XPO7: variants seen among roughly 807,000 people sequenced by gnomAD.
XPO7 encodes the protein exportin 7.
Under a neutral mutation model 144.3 loss-of-function variants are expected in XPO7, and 21 were observed. That is an observed-to-expected ratio of 0.15 (90% CI 0.10 to 0.21). The LOEUF (loss-of-function observed/expected upper bound fraction) is 0.21, where lower values mean the gene tolerates loss of function less well. Among genes scored for constraint, XPO7 ranks in the 10% least tolerant of loss-of-function variants. XPO7 has a pLI of 1.00. For synonymous variants in XPO7, 580 were observed against 499.6 expected, an observed-to-expected ratio of 1.16 and a Z score of -2.15; for missense variants, 808 against 1,325.8, an observed-to-expected ratio of 0.61 and a Z score of 6.06.
intron 7 of XPO7, among the ~76,000 whole-genome samples, chr8:21,976,780 A>T (rs1812237768): frequency 6.6e-6 from 1 of 152,148 alleles, no homozygotes; most frequent in Admixed American, 6.5e-5. Context: ...CAGCCTCCCA[A>T]GTATCTGGAA....
chr8:21,946,759 G>T (rs1292564810), intron 1 of XPO7, among the ~76,000 whole-genome samples: 1 of 150,838 alleles, frequency 6.6e-6, no homozygotes, highest in Non-Finnish European at 1.5e-5. Flanking sequence ...TCTAAAACAG[G>T]ATAAATTTTA....
intron 1 of XPO7, among the ~76,000 whole-genome samples, chr8:21,932,938 A>G (rs1043843466): frequency 6.6e-6 from 1 of 152,148 alleles, no homozygotes; most frequent in Non-Finnish European, 1.5e-5. Flanking sequence ...TTTAATATTC[A>G]CATTGACCTT....
Position 21,919,728 on chromosome 8 carries a change from CT to C in XPO7, c.-42del. ...GCAGCGGCTCCGGCCGAGGTGCGCGCTGGGGGGGAGGGGGGGCCGGAGAGGA... is the reference window on the plus strand; with the variant it reads ...GCAGCGGCTCCGGCCGAGGTGCGCGCGGGGGGGAGGGGGGGCCGGAGAGGA... On this transcript the variant is annotated 5_prime_UTR_variant, in exon 1 of 28. Transcript: ENST00000252512. The C allele has an allele frequency of 3.5e-6, 1 of 281,972 alleles. No individual in the cohort carries two copies. The highest frequency in any genetic ancestry group is 2.3e-5 in the African/African-American group (1 of 43,420). 17.5% of individuals were successfully genotyped at this position (281,972 alleles called of 1,614,324 possible). A position where few individuals can be genotyped will look rare whatever the true frequency, so the allele number is the denominator to read the frequency against.
rs1456460342 is a variant in XPO7 at position 21,969,489 on chromosome 8, T to C, written c.172T>C (p.Tyr58His). ...QLLLERGSSS[Y>H]SQLLAATCLT... ...TTTCCCTCTCTTTTCACAGTCCTCT[T>C]ACTCCCAGTTACTGGCAGCTACATG... Residue 58 changes from tyrosine to histidine, a missense_variant, in exon 3 of 28, where the codon TAC becomes CAC. Tyr to His is a moderately conservative substitution (Grantham distance 83). Around this residue, in one of 5 missense-constraint regions of XPO7, gnomAD observed 223 missense variants for 368.8 expected, o/e 0.60. Coordinates refer to ENST00000252512, the MANE Select transcript of XPO7 (RefSeq NM_015024.5). 6.2e-7 allele frequency: 1 copy of C among 1,613,422 alleles called. No homozygotes were observed. Among genetic ancestry groups the C allele is most frequent in the African/African-American group, 1.3e-5 (1 of 74,920 alleles).
chr8:21,933,707 A>G (rs931631970), intron 1 of XPO7, among the ~76,000 whole-genome samples: 1 of 152,340 alleles, frequency 6.6e-6, no homozygotes, highest in African/African-American at 2.4e-5. Flanking sequence ...TTGTTTGCCC[A>G]TAGCTGAATA....
At chr8:21,995,198 C>T (rs567262589) in intron 20 of XPO7, among the ~76,000 whole-genome samples, 24 of 152,186 alleles carry the variant, frequency 1.6e-4, no homozygotes, top group African/African-American at 5.1e-4. Flanking sequence ...GAGCTGATCC[C>T]ATATAATACC....
intron 26 of XPO7, 30 bp downstream of exon 26, chr8:22,003,347 C>T (rs746437007): frequency 6.4e-6 from 10 of 1,567,276 alleles, no homozygotes; most frequent in Non-Finnish European, 7.0e-6. Context: ...GGTGCCAACC[C>T]AGAAGCAGTG....
intron 1 of XPO7, among the ~76,000 whole-genome samples, chr8:21,942,515 T>C (rs1811026516): frequency 1.3e-5 from 2 of 152,254 alleles, no homozygotes; most frequent in South Asian, 2.1e-4. Flanking sequence ...ATTCTCATAG[T>C]TACTTCTGCA....
intron 10 of XPO7, among the ~76,000 whole-genome samples, chr8:21,982,263 A>T (rs998591006): frequency 6.6e-6 from 1 of 152,062 alleles, no homozygotes; most frequent in Admixed American, 6.5e-5. Context: ...CATCTAGGGG[A>T]CTGATGAAAA....
intron 1 of XPO7, among the ~76,000 whole-genome samples, chr8:21,957,909 C>T (rs1292209094): frequency 2.6e-5 from 4 of 151,868 alleles, no homozygotes; most frequent in African/African-American, 9.7e-5. Flanking sequence ...ATGTTTCTTG[C>T]AGTTTTGTGC....
rs1810873378 is a variant in XPO7 at position 21,937,955 on chromosome 8, A to G, written c.18+18167A>G. On this transcript the variant is annotated intron_variant, in intron 1 of 27. Transcript: ENST00000252512. ...TACTAAAGCTTCAGAGAAATAAGAT[A>G]TAGATAATATTTATGAGCCTTTCAT... is the stretch of plus-strand genomic sequence containing the variant. Among the ~76,000 whole-genome samples, 4 of 152,212 alleles carry G rather than the reference A, an allele frequency of 2.6e-5. No homozygotes were observed. The South Asian group carries it at 8.3e-4, about 32-fold the overall frequency.
intron 1 of XPO7, among the ~76,000 whole-genome samples, chr8:21,931,346 G>A (rs1156724583): frequency 6.6e-6 from 1 of 151,946 alleles, no homozygotes; most frequent in Admixed American, 6.6e-5. Flanking sequence ...TCTTTTTAGT[G>A]GAGGTGGGGT....
rs117086926 is a variant in XPO7, at chr8:22,006,419, T to G, written c.*1331T>G. 0.023 allele frequency: 3,487 copies of G among 152,330 alleles called. 61 individuals are homozygous for G. Among genetic ancestry groups the G allele is most frequent in the South Asian group, 0.042 (202 of 4,824 alleles). 9.4% of individuals were successfully genotyped at this position (152,330 alleles called of 1,614,324 possible). On this transcript the variant is annotated 3_prime_UTR_variant, in exon 28 of 28. Transcript: ENST00000252512. ...TCAATTAGGTTTTATTTTTATTTCT[T>G]TCCTCTACCCCCAGAAACAAGCCTG... is the stretch of plus-strand genomic sequence containing the variant.
rs986789541 is a variant in XPO7 at position 22,005,122 on chromosome 8, TC to T, written c.*37del. On this transcript the variant is annotated 3_prime_UTR_variant, in exon 28 of 28. Transcript: ENST00000252512. ...TGGACTCTACCTGTACAGAGCAGCG[TC>T]CCTTTGGTTTGGCCCAGAGGGGCGA... The T allele has an allele frequency of 5.1e-6, 8 of 1,558,324 alleles. No homozygotes were observed. In the African/African-American group the frequency reaches 9.6e-5, roughly 19 times the overall value.
chr8:21,983,508 G>A (rs1812471708), intron 11 of XPO7, among the ~76,000 whole-genome samples: 1 of 152,294 alleles, frequency 6.6e-6, no homozygotes, highest in African/African-American at 2.4e-5. Flanking sequence ...GCATTGAATA[G>A]TCATGAGTTA....
intron 1 of XPO7, among the ~76,000 whole-genome samples, chr8:21,949,044 G>C (rs1358280511): frequency 6.6e-6 from 1 of 152,168 alleles, no homozygotes; most frequent in Admixed American, 6.5e-5. Flanking sequence ...GAGAACAGAT[G>C]AAAGTTTCCA....
chr8:21,969,485 C>G lies in XPO7; in HGVS notation c.168C>G (p.Ser56=). Residue 56 remains serine (S), a splice_region_variant and synonymous_variant, in exon 3 of 28, where the codon TCC becomes TCG. Transcript: ENST00000252512. ...KCQLLLERGS[S]SYSQLLAATC... is the part of the protein sequence containing the mutation. ...CCTTTTTCCCTCTCTTTTCACAGTC[C>G]TCTTACTCCCAGTTACTGGCAGCTA... The G allele has an allele frequency of 2.5e-6, 4 of 1,613,112 alleles. No homozygotes were observed. In the East Asian group the frequency reaches 6.7e-5, roughly 27 times the overall value.
chr8:21,932,918 CTG>C (rs886095829), intron 1 of XPO7, among the ~76,000 whole-genome samples: 13 of 152,136 alleles, frequency 8.5e-5, no homozygotes, highest in African/African-American at 2.2e-4. Flanking sequence ...ACATTGACCT[CTG>C]TTTAATATTT....
In XPO7 at chr8:21,999,188, T is replaced by C. The variant is rs1017297082; in HGVS notation, c.2526T>C (p.Ala842=). Residue 842 remains alanine (A), a synonymous_variant, in exon 23 of 28, where the codon GCT becomes GCC. Transcript: ENST00000252512. ...TCTGCTTCTCCATGCTGAAGGCTGC[T>C]CTCAGTGGGAGTTACGTCAATTTCG... The part of the protein sequence containing the change: ...ISICFSMLKA[A]LSGSYVNFGV... The C allele has an allele frequency of 3.7e-6, 6 of 1,613,986 alleles. No homozygotes were observed. Among genetic ancestry groups the C allele is most frequent in the Non-Finnish European group, 3.4e-6 (4 of 1,179,880 alleles).
Sources: gnomAD v4.1 joint callset for allele counts (sites outside exome capture counted in the v4.1 genomes callset) on GRCh38, gnomAD v4.1.1 for gene constraint, gnomAD v4.1.1 regional missense constraint, MANE v1.5 for transcripts, NCBI Gene and HGNC (gene_info 2026-07-23, HGNC 2026-07-21) for gene names.